ACBD6: variants seen among roughly 807,000 people sequenced by gnomAD.
ACBD6 encodes the protein acyl-CoA-binding domain-containing protein 6.
A neutral mutation model predicts 37.2 loss-of-function variants in ACBD6; 28 were observed. The observed-to-expected ratio is 0.75, with a 90% CI of 0.56 to 1.03. The LOEUF (loss-of-function observed/expected upper bound fraction) is 1.03, where lower values mean the gene tolerates loss of function less well. ACBD6 is among the 50% of genes least tolerant of loss of function. ACBD6 has a pLI of 0.00. For missense variants in ACBD6, 340 were observed against 337.4 expected (o/e 1.01, Z -0.06); for synonymous variants, 113 against 126.8 (o/e 0.89, Z 0.73).
chr1:180,497,788 T>A (rs997367059), intron 1 of ACBD6, among the ~76,000 whole-genome samples: 1 of 152,216 alleles, frequency 6.6e-6, no homozygotes, highest in East Asian at 1.9e-4. Flanking sequence ...TCTACTGCAA[T>A]ATGTTGTTTT....
chr1:180,380,781 T>C lies in ACBD6; in HGVS notation c.663+16735A>G, dbSNP rs151290104. On this transcript the variant is annotated intron_variant, in intron 6 of 7. Transcript: ENST00000367595. ...ACAGAATACCACTAAACTACAATGATAAAAAATAAGAGAGAAATAAAGGAA... is the reference window on the plus strand; with the variant it reads ...ACAGAATACCACTAAACTACAATGACAAAAAATAAGAGAGAAATAAAGGAA... Among the ~76,000 whole-genome samples the C allele has an allele frequency of 5.3e-4, 81 of 151,682 alleles. No individual in the cohort carries two copies. The East Asian group carries it at 0.012, about 23-fold the overall frequency.
At chr1:180,332,748 G>A (rs1168362464) in intron 6 of ACBD6, among the ~76,000 whole-genome samples, 1 of 152,018 alleles carries the variant, frequency 6.6e-6, no homozygotes, top group East Asian at 1.9e-4. Flanking sequence ...TAAATGTAAT[G>A]CATTTGAATC....
intron 7 of ACBD6, among the ~76,000 whole-genome samples, chr1:180,300,160 T>G (rs1260757976): frequency 6.6e-6 from 1 of 152,138 alleles, no homozygotes; most frequent in Non-Finnish European, 1.5e-5. Flanking sequence ...TAAAAAATAA[T>G]AACTAAATCC....
downstream of ACBD6, among the ~76,000 whole-genome samples, chr1:180,287,865 T>C (rs1203841162): frequency 6.6e-6 from 1 of 152,216 alleles, no homozygotes; most frequent in East Asian, 1.9e-4. Flanking sequence ...TGCTTTGTTT[T>C]TCTTAACATC....
intron 7 of ACBD6, among the ~76,000 whole-genome samples, chr1:180,291,841 C>T (rs1649720685): frequency 6.6e-6 from 1 of 151,878 alleles, no homozygotes; most frequent in Non-Finnish European, 1.5e-5. Context: ...TCTTACCTTC[C>T]CAGTTAATTT....
chr1:180,300,263 T>C (rs1650081485), intron 7 of ACBD6, among the ~76,000 whole-genome samples: 1 of 152,074 alleles, frequency 6.6e-6, no homozygotes. Context: ...AGTCCTGAAA[T>C]AAAATAAAAT....
At chr1:180,365,700 A>G (rs1408264273) in intron 6 of ACBD6, among the ~76,000 whole-genome samples, 1 of 152,192 alleles carries the variant, frequency 6.6e-6, no homozygotes, top group African/African-American at 2.4e-5. Flanking sequence ...TTGTTTACCT[A>G]CGGTCCACAA....
At chr1:180,483,688 T>G (rs1176122346) in intron 3 of ACBD6, among the ~76,000 whole-genome samples, 1 of 152,204 alleles carries the variant, frequency 6.6e-6, no homozygotes, top group Admixed American at 6.5e-5. Context: ...CAATTATATA[T>G]GCAAAATACA....
intron 7 of ACBD6, among the ~76,000 whole-genome samples, chr1:180,299,807 A>C (rs1359674817): frequency 6.6e-6 from 1 of 152,140 alleles, no homozygotes; most frequent in Admixed American, 6.6e-5. Context: ...CTAACAGGCC[A>C]TTTATAAGTA....
At chr1:180,407,850 G>T (rs1430403244) in intron 5 of ACBD6, among the ~76,000 whole-genome samples, 1 of 152,104 alleles carries the variant, frequency 6.6e-6, no homozygotes, top group Admixed American at 6.5e-5. Context: ...TGTGTTATTT[G>T]AAAGATAAAT....
At chr1:180,475,240 C>T (rs143569512) in intron 3 of ACBD6, among the ~76,000 whole-genome samples, 94 of 152,302 alleles carry the variant, frequency 6.2e-4, no homozygotes, top group African/African-American at 2.1e-3. Context: ...ACCACTGCCA[C>T]AGTCGAGATG....
At chr1:180,462,939 C>T (rs2102044947) in intron 3 of ACBD6, among the ~76,000 whole-genome samples, 1 of 152,234 alleles carries the variant, frequency 6.6e-6, no homozygotes. Flanking sequence ...CAAAACCATA[C>T]AATTACATGG....
chr1:180,499,761 G>C (rs915418504), intron 1 of ACBD6, among the ~76,000 whole-genome samples: 2 of 152,074 alleles, frequency 1.3e-5, no homozygotes, highest in Non-Finnish European at 2.9e-5. Flanking sequence ...AATGACCAAA[G>C]AGAAAACAGA....
intron 10 of ACBD6, chr1:180,274,274 T>G (rs1215786377): frequency 2.5e-6 from 4 of 1,614,226 alleles, no homozygotes; most frequent in Non-Finnish European, 3.4e-6. Flanking sequence ...GAATGGGAGC[T>G]TCTCCATGGA....
chr1:180,473,163 A>T (rs1284060787), intron 3 of ACBD6, among the ~76,000 whole-genome samples: 1 of 152,218 alleles, frequency 6.6e-6, no homozygotes, highest in Non-Finnish European at 1.5e-5. Context: ...AAACTTTTAC[A>T]CGGGCCGGGC....
chr1:180,349,449 G>A (rs1431428753), intron 6 of ACBD6, among the ~76,000 whole-genome samples: 1 of 151,602 alleles, frequency 6.6e-6, no homozygotes, highest in Non-Finnish European at 1.5e-5. Context: ...TAGAGATGGG[G>A]TTTCACCGTG....
chr1:180,455,453 T>C (rs1406079957), intron 3 of ACBD6, among the ~76,000 whole-genome samples: 2 of 152,104 alleles, frequency 1.3e-5, no homozygotes, highest in African/African-American at 2.4e-5. Context: ...CAAATCATCA[T>C]GGCACATGTA....
intron 6 of ACBD6, among the ~76,000 whole-genome samples, chr1:180,337,698 A>G (rs1474459283): frequency 6.6e-6 from 1 of 152,208 alleles, no homozygotes; most frequent in Non-Finnish European, 1.5e-5. Context: ...CAATTAGGAA[A>G]AGAGGAAATC....
chr1:180,358,076 A>G (rs1009439083), intron 6 of ACBD6, among the ~76,000 whole-genome samples: 4 of 152,240 alleles, frequency 2.6e-5, no homozygotes, highest in African/African-American at 7.2e-5. Flanking sequence ...TGTTTTTAAC[A>G]AAGAGGTTTT....
Sources: gnomAD v4.1 joint callset for allele counts (sites outside exome capture counted in the v4.1 genomes callset) on GRCh38, gnomAD v4.1.1 for gene constraint, MANE v1.5 for transcripts, NCBI Gene and HGNC (gene_info 2026-07-23, HGNC 2026-07-21) for gene names.